Variants in PTPRM observed in about 807,000 individuals in gnomAD.
PTPRM encodes receptor-type tyrosine-protein phosphatase mu.
Under a neutral mutation model 186.7 loss-of-function variants are expected in PTPRM, and 47 were observed. That is an observed-to-expected ratio of 0.25 (90% CI 0.20 to 0.32). The LOEUF (loss-of-function observed/expected upper bound fraction) is 0.32. Among genes scored for constraint, PTPRM ranks in the 10% least tolerant of loss-of-function variants. The probability of loss-of-function intolerance (pLI) is 1.00; values close to 1 mark genes in which losing one functional copy is unlikely to be tolerated. For missense variants in PTPRM, 1,494 were observed against 1,865.0 expected (o/e 0.80, Z 3.66); for synonymous variants, 668 against 674.9 (o/e 0.99, Z 0.16).
rs555191757 is a variant in PTPRM at position 8,397,728 on chromosome 18, ACTCCGG to A, written c.4344+3120_4344+3125del. On this transcript the variant is annotated intron_variant, in intron 32 of 32. Coordinates refer to ENST00000580170, the MANE Select transcript of PTPRM (RefSeq NM_001105244.2). The stretch of plus-strand genomic sequence containing the variant: ...CTGGCACCTGAGCTCCTTTGAAGAG[ACTCCGG>A]CTGCAGGAAAGCGGCTGCTTCACGC... Among the ~76,000 whole-genome samples, 942 of 151,850 alleles carry A rather than the reference ACTCCGG, an allele frequency of 6.2e-3. 15 individuals carry two copies. The highest frequency in any genetic ancestry group is 0.022 in the African/African-American group (901 of 41,372).
At chr18:7,699,830 T>C (rs1223824589) in intron 1 of PTPRM, among the ~76,000 whole-genome samples, 2 of 152,202 alleles carry the variant, frequency 1.3e-5, no homozygotes, top group Non-Finnish European at 2.9e-5. Flanking sequence ...GTGAACACTT[T>C]ATTGCTTTAT....
At chr18:7,966,263 G>C (rs1025734001) in intron 7 of PTPRM, among the ~76,000 whole-genome samples, 1 of 152,164 alleles carries the variant, frequency 6.6e-6, no homozygotes, top group African/African-American at 2.4e-5. Context: ...TAATAGAGCT[G>C]TTTGATACCA....
Position 7,863,275 on chromosome 18 carries a change from C to G in PTPRM, c.197-24831C>G, listed in dbSNP as rs182773454. 3.6e-3 allele frequency among the ~76,000 whole-genome samples: 541 copies of G among 152,198 alleles called. 1 individual carries two copies. The highest frequency in any genetic ancestry group is 4.0e-3 in the Non-Finnish European group (273 of 68,012). Reference sequence around the variant, plus strand: ...TATGCAGGTTTGTTACATAGGTATACACATGCCATGGTGGTTTGCTGCCCA... The same window carrying G: ...TATGCAGGTTTGTTACATAGGTATAGACATGCCATGGTGGTTTGCTGCCCA... On this transcript the variant is annotated intron_variant, in intron 2 of 32. Transcript: ENST00000580170.
Position 8,045,910 on chromosome 18 carries a change from C to A in PTPRM, c.1133-23776C>A, listed in dbSNP as rs141234296. ...AATAGCAGACTTCCACAAATCAAGT[C>A]TTTTTTCTTCAGTCGCATATGTCAG... On this transcript the variant is annotated intron_variant, in intron 7 of 32. Coordinates refer to ENST00000580170, the MANE Select transcript of PTPRM (RefSeq NM_001105244.2). Among the ~76,000 whole-genome samples the A allele has an allele frequency of 1.2e-4, 19 of 152,254 alleles. No individual in the cohort carries two copies. The East Asian group carries it at 3.7e-3, about 29-fold the overall frequency.
At chr18:8,274,093 C>T (rs1044251186) in intron 19 of PTPRM, among the ~76,000 whole-genome samples, 1 of 152,186 alleles carries the variant, frequency 6.6e-6, no homozygotes, top group Admixed American at 6.5e-5. Flanking sequence ...ACCAGTGTTG[C>T]TCACTGTCAT....
chr18:8,156,807 G>A (rs1338153164), intron 14 of PTPRM, among the ~76,000 whole-genome samples: 5 of 151,088 alleles, frequency 3.3e-5, no homozygotes, highest in Middle Eastern at 3.2e-3. Context: ...TCTTTTCTTT[G>A]AGCCATCATT....
chr18:7,821,389 A>G lies in PTPRM; in HGVS notation c.196+47118A>G, dbSNP rs2045184383. ...AGACATTCTTGTTGCCGAATGTGAT[A>G]ATGTGTTCTAGATGCCTATGTAAAG... On this transcript the variant is annotated intron_variant, in intron 2 of 32. Coordinates refer to ENST00000580170, the MANE Select transcript of PTPRM (RefSeq NM_001105244.2). 2.0e-5 allele frequency among the ~76,000 whole-genome samples: 3 copies of G among 152,160 alleles called. No homozygotes were observed. In the South Asian group the frequency reaches 6.2e-4, roughly 32 times the overall value.
At position 7,578,636 on chromosome 18, in the gene PTPRM, AT is replaced by A. The variant is rs545184765; in HGVS notation, c.73+10761del. Among the ~76,000 whole-genome samples the A allele has an allele frequency of 6.9e-3, 934 of 136,272 alleles. 2 individuals carry two copies. The highest frequency in any genetic ancestry group is 0.012 in the African/African-American group (427 of 36,684). The allele number at this position is 136,272 out of a possible 152,430, so 89.4% of individuals were successfully genotyped here. A position where few individuals can be genotyped will look rare whatever the true frequency, so the allele number is the denominator to read the frequency against. The stretch of plus-strand genomic sequence containing the variant: ...AGGCGTGAGCCACAGCGCCTGGCCA[AT>A]TTTTTTTTTTTTTTTAAGAGACAGA... On this transcript the variant is annotated intron_variant, in intron 1 of 32. Coordinates refer to ENST00000580170, the MANE Select transcript of PTPRM (RefSeq NM_001105244.2).
In PTPRM at chr18:8,248,081, T is replaced by C. The variant is rs1215737419; in HGVS notation, c.2528-69T>C. 4 of 1,431,492 alleles carry C rather than the reference T, an allele frequency of 2.8e-6. No homozygotes were observed. In the African/African-American group the frequency reaches 4.2e-5, roughly 15 times the overall value. The allele number at this position is 1,431,492 out of a possible 1,614,324, so 88.7% of individuals were successfully genotyped here. A position where few individuals can be genotyped will look rare whatever the true frequency, so the allele number is the denominator to read the frequency against. On this transcript the variant is annotated intron_variant, in intron 16 of 32. Coordinates refer to ENST00000580170, the MANE Select transcript of PTPRM (RefSeq NM_001105244.2). ...TCTATGCAGAAAATAGGGGTGGGCATTCATCAATCATTTACTGTTCTTTCT... is the reference window on the plus strand; with the variant it reads ...TCTATGCAGAAAATAGGGGTGGGCACTCATCAATCATTTACTGTTCTTTCT...
In PTPRM at chr18:8,038,882, AGTT is replaced by A. The variant is rs1187363422; in HGVS notation, c.1133-30800_1133-30798del. 5.9e-5 allele frequency among the ~76,000 whole-genome samples: 9 copies of A among 152,294 alleles called. No homozygotes were observed. In the East Asian group the frequency reaches 1.7e-3, roughly 29 times the overall value. On this transcript the variant is annotated intron_variant, in intron 7 of 32. Coordinates refer to ENST00000580170, the MANE Select transcript of PTPRM (RefSeq NM_001105244.2). ...GTACGCACATAGCCAGAATTGGGAT[AGTT>A]GTTAGAGTTAGTTCTAGGAGCATAA...
chr18:7,749,657 T>C (rs1341627630), intron 1 of PTPRM, among the ~76,000 whole-genome samples: 1 of 152,114 alleles, frequency 6.6e-6, no homozygotes, highest in Non-Finnish European at 1.5e-5. Flanking sequence ...AGGTGGTGTA[T>C]GGTTTGTGCT....
rs1333286084 is a variant in PTPRM, at chr18:8,126,014, TATA to T, written c.2167+11188_2167+11190del. 6.4e-3 allele frequency among the ~76,000 whole-genome samples: 157 copies of T among 24,608 alleles called. 8 individuals carry two copies. Among genetic ancestry groups the T allele is most frequent in the South Asian group, 0.021 (16 of 750 alleles). 16.1% of individuals were successfully genotyped at this position (24,608 alleles called of 152,430 possible). On this transcript the variant is annotated intron_variant, in intron 13 of 32. Coordinates refer to ENST00000580170, the MANE Select transcript of PTPRM (RefSeq NM_001105244.2). Reference sequence around the variant, plus strand: ...ATATATATATATATATATATATATATATATATATATATATTTTAAATCAGTAGA... The same window carrying T: ...ATATATATATATATATATATATATATTATATATATATTTTAAATCAGTAGA...
At chr18:7,897,166 T>C (rs575623535) in intron 3 of PTPRM, among the ~76,000 whole-genome samples, 1 of 152,326 alleles carries the variant, frequency 6.6e-6, no homozygotes, top group African/African-American at 2.4e-5. Flanking sequence ...GCAGGCCATT[T>C]CGGAGGCTAG....
intron 1 of PTPRM, among the ~76,000 whole-genome samples, chr18:7,604,573 T>G (rs2037484545): frequency 6.6e-6 from 1 of 152,228 alleles, no homozygotes; most frequent in Admixed American, 6.5e-5. Flanking sequence ...CCGGGAATGT[T>G]AAGTATTGAT....
intron 10 of PTPRM, 144 bp from the exon 11 acceptor site, chr18:8,088,605 G>A (rs1600494765): frequency 6.1e-6 from 4 of 654,058 alleles, no homozygotes; most frequent in East Asian, 5.5e-5. Context: ...GGGAATATAT[G>A]TGAAGCTTGC....
At chr18:7,599,796 C>G (rs139666080) in intron 1 of PTPRM, among the ~76,000 whole-genome samples, 1 of 152,322 alleles carries the variant, frequency 6.6e-6, no homozygotes, top group African/African-American at 2.4e-5. Context: ...GGCCTCCCTT[C>G]TTGTGGCACC....
At chr18:8,069,608 A>G in intron 7 of PTPRM, 78 bp from the exon 8 acceptor site, 1 of 1,295,866 alleles carries the variant, frequency 7.7e-7, no homozygotes. Flanking sequence ...AACTGGGAAT[A>G]TCTGTGACCT....
intron 14 of PTPRM, among the ~76,000 whole-genome samples, chr18:8,178,746 C>T (rs1488812937): frequency 6.6e-6 from 1 of 152,160 alleles, no homozygotes; most frequent in Admixed American, 6.5e-5. Context: ...AAGATCGCAT[C>T]ACTGCCCTCC....
At chr18:8,352,976 C>T (rs539136718) in intron 23 of PTPRM, among the ~76,000 whole-genome samples, 6 of 152,148 alleles carry the variant, frequency 3.9e-5, no homozygotes, top group Non-Finnish European at 5.9e-5. Context: ...GGCCCGATTT[C>T]GTTTTTTATG....
Sources: allele counts gnomAD v4.1 joint callset (sites outside exome capture counted in the v4.1 genomes callset), GRCh38; gene constraint gnomAD v4.1.1; transcripts MANE v1.5; gene names NCBI Gene and HGNC (gene_info 2026-07-23, HGNC 2026-07-21).